The following MLLT1 variants were observed in gnomAD, a reference collection of about 807,000 sequenced individuals.
MLLT1 encodes the protein protein ENL.
A neutral mutation model predicts 55.1 loss-of-function variants in MLLT1; 11 were observed. That is an observed-to-expected ratio of 0.20 (90% CI 0.13 to 0.33). The LOEUF is 0.33. MLLT1 is among the 10% of genes least tolerant of loss of function. MLLT1 has a pLI of 1.00. For missense variants in MLLT1, 536 were observed against 760.6 expected, an observed-to-expected ratio of 0.70 and a Z score of 3.47; for synonymous variants, 323 against 320.1, an observed-to-expected ratio of 1.01 and a Z score of -0.10.
chr19:6,237,351 G>C (rs1019195907), intron 3 of MLLT1, among the ~76,000 whole-genome samples: 1 of 152,132 alleles, frequency 6.6e-6, no homozygotes, highest in East Asian at 1.9e-4. Flanking sequence ...AGGTCTTCCC[G>C]CTCCTGCCGA....
chr19:6,258,446 T>C (rs950008403), intron 3 of MLLT1, among the ~76,000 whole-genome samples: 3 of 152,172 alleles, frequency 2.0e-5, no homozygotes, highest in African/African-American at 4.8e-5. Context: ...TCCCAGCAGA[T>C]GTCAAGCAAG....
chr19:6,217,925 CGT>C (rs1568275353), intron 7 of MLLT1, 27 bp downstream of exon 7: 5 of 1,580,320 alleles, frequency 3.2e-6, no homozygotes, highest in Non-Finnish European at 4.3e-6. Flanking sequence ...CGGCCCCATC[CGT>C]GCCCCCCAGC....
chr19:6,235,366 G>A lies in MLLT1; in HGVS notation c.277-4653C>T, dbSNP rs2091050068. Among the ~76,000 whole-genome samples the A allele has an allele frequency of 1.3e-5, 2 of 152,136 alleles. No homozygotes were observed. The highest frequency in any genetic ancestry group is 2.9e-5 in the Non-Finnish European group (2 of 68,004). On this transcript the variant is annotated intron_variant, in intron 3 of 11. Transcript: ENST00000252674. The surrounding 1 kb of genome is among the most constrained non-coding windows in gnomAD (Gnocchi z 5.5). ...GCCTCCTAGGCCTCAGGTTCCTCAC[G>A]GGCAGCATGGGGGGATTCGCTGCAA...
At chr19:6,277,464 C>T (rs1040236551) in intron 1 of MLLT1, among the ~76,000 whole-genome samples, 5 of 152,122 alleles carry the variant, frequency 3.3e-5, no homozygotes, top group Admixed American at 6.5e-5. Flanking sequence ...GTGGCTGGTG[C>T]GATGGAGGAA....
intron 3 of MLLT1, among the ~76,000 whole-genome samples, chr19:6,257,412 C>A (rs1365179313): frequency 1.7e-4 from 25 of 144,256 alleles, no homozygotes; most frequent in African/African-American, 6.2e-4. Context: ...AAAAAAAAAA[C>A]ACCTAAAAAA....
At chr19:6,213,629 T>G in intron 10 of MLLT1, 97 bp downstream of exon 10, 1 of 1,235,820 alleles carries the variant, frequency 8.1e-7, no homozygotes, top group South Asian at 1.3e-5. Context: ...AGAGTCCAAC[T>G]GTGGGGTGTT....
At position 6,214,859 on chromosome 19, in the gene MLLT1, G is replaced by A. The variant is rs866062658; in HGVS notation, c.1308-821C>T. ...CTCGAGCACACCGGACTTCCCGGTGGGCAGCACAGCCATTGTCCCTGTTCC... is the reference window on the plus strand; with the variant it reads ...CTCGAGCACACCGGACTTCCCGGTGAGCAGCACAGCCATTGTCCCTGTTCC... On this transcript the variant is annotated intron_variant, in intron 8 of 11. Transcript: ENST00000252674. 2.0e-4 allele frequency among the ~76,000 whole-genome samples: 31 copies of A among 152,274 alleles called. No homozygotes were observed. In the Middle Eastern group the frequency reaches 0.01, roughly 50 times the overall value.
At chr19:6,214,155 C>G in intron 8 of MLLT1, 117 bp from the exon 9 acceptor site, 2 of 500,018 alleles carry the variant, frequency 4.0e-6, no homozygotes, top group East Asian at 3.4e-5. Flanking sequence ...ACACCCCCAA[C>G]AGCTCCATTC....
intron 3 of MLLT1, among the ~76,000 whole-genome samples, chr19:6,243,483 C>T (rs567686946): frequency 1.8e-4 from 28 of 152,296 alleles, no homozygotes; most frequent in African/African-American, 4.8e-4. Flanking sequence ...ATGGGACAGG[C>T]GTGGGACAGG....
At chr19:6,234,206 G>A (rs1051834685) in intron 3 of MLLT1, among the ~76,000 whole-genome samples, 4 of 152,224 alleles carry the variant, frequency 2.6e-5, no homozygotes, top group African/African-American at 4.8e-5. Flanking sequence ...CATGGACTGC[G>A]GTGTCCTCGC....
At chr19:6,263,301 G>A (rs1477214007) in intron 2 of MLLT1, 1 of 152,412 alleles carries the variant, frequency 6.6e-6, no homozygotes, top group Non-Finnish European at 1.5e-5. Flanking sequence ...CAGCAGAGGA[G>A]GCACGGGCAT....
intron 3 of MLLT1, among the ~76,000 whole-genome samples, chr19:6,249,543 T>C (rs946751778): frequency 6.6e-6 from 1 of 152,144 alleles, no homozygotes; most frequent in East Asian, 1.9e-4. Context: ...TCAAGGCCAC[T>C]TTCCAAAAGA....
chr19:6,264,213 T>TG (rs1434169116), intron 2 of MLLT1, among the ~76,000 whole-genome samples: 1 of 151,678 alleles, frequency 6.6e-6, no homozygotes, highest in Non-Finnish European at 1.5e-5. Flanking sequence ...CCCTCCCTCC[T>TG]GCCCATCCTC....
At chr19:6,243,153 C>T (rs1020511638) in intron 3 of MLLT1, among the ~76,000 whole-genome samples, 4 of 152,202 alleles carry the variant, frequency 2.6e-5, no homozygotes, top group East Asian at 3.8e-4. Context: ...AAAGCGGGAA[C>T]GTGGCGGGGT....
chr19:6,255,355 T>C (rs943546051), intron 3 of MLLT1, among the ~76,000 whole-genome samples: 3 of 152,060 alleles, frequency 2.0e-5, no homozygotes, highest in Non-Finnish European at 2.9e-5. Flanking sequence ...TAGCTGGGCG[T>C]GGTGGCACAC....
chr19:6,249,644 G>A (rs1256004617), intron 3 of MLLT1, among the ~76,000 whole-genome samples: 1 of 152,184 alleles, frequency 6.6e-6, no homozygotes, highest in Non-Finnish European at 1.5e-5. Context: ...GGAGCCCCCA[G>A]CTCAGGGAAG....
At chr19:6,217,706 G>A (rs533713213) in intron 7 of MLLT1, among the ~76,000 whole-genome samples, 2 of 152,318 alleles carry the variant, frequency 1.3e-5, no homozygotes, top group East Asian at 3.9e-4. Context: ...CACCAGCCTG[G>A]CTCCAGGCAC....
At position 6,256,245 on chromosome 19, in the gene MLLT1, AT is replaced by A. The variant is rs1354905596; in HGVS notation, c.276+5982del. On this transcript the variant is annotated intron_variant, in intron 3 of 11. Coordinates refer to ENST00000252674, the MANE Select transcript of MLLT1 (RefSeq NM_005934.4). This position sits in a 1 kb window ranked among gnomAD's most constrained non-coding sequence, Gnocchi z 4.1. ...GATAAATAAATAAATAAATAAATAA[AT>A]AAATAAATAAAAAGACCAGCCTGGG... Among the ~76,000 whole-genome samples the A allele has an allele frequency of 2.0e-5, 3 of 150,680 alleles. No individual in the cohort carries two copies. Among genetic ancestry groups the A allele is most frequent in the African/African-American group, 7.3e-5 (3 of 40,894 alleles).
In MLLT1 at chr19:6,270,710, T is replaced by C. The variant is rs2091388449; in HGVS notation, c.62A>G (p.Lys21Arg). The C allele has an allele frequency of 1.2e-6, 2 of 1,613,882 alleles. No homozygotes were observed. Among genetic ancestry groups the C allele is most frequent in the Non-Finnish European group, 1.7e-6 (2 of 1,179,936 alleles). ...AGTGAACCCCTCCGTGGTGGGCTTC[T>C]TGCGCAGTTGGGCGCGATGCCCCAG... ...LELGHRAQLR[K>R]KPTTEGFTHD... The change falls in exon 2 of 12, where the codon AAG (lysine) becomes AGG (arginine). Residue 21 changes from lysine (K) to arginine (R), a missense_variant. Coordinates refer to ENST00000252674, the MANE Select transcript of MLLT1 (RefSeq NM_005934.4). This position sits in a 1 kb window ranked among gnomAD's most constrained non-coding sequence, Gnocchi z 7.1.
Sources: gnomAD v4.1 joint callset for allele counts (sites outside exome capture counted in the v4.1 genomes callset) on GRCh38, gnomAD v4.1.1 for gene constraint, Gnocchi (gnomAD v3.1) non-coding constraint, MANE v1.5 for transcripts, NCBI Gene and HGNC (gene_info 2026-07-23, HGNC 2026-07-21) for gene names.